The following CACNA1B variants were observed in gnomAD, a reference collection of about 807,000 sequenced individuals.
CACNA1B encodes voltage-dependent N-type calcium channel subunit alpha-1B.
Under a neutral mutation model 247.2 loss-of-function variants are expected in CACNA1B, and 70 were observed. The observed-to-expected ratio is 0.28, with a 90% CI of 0.23 to 0.35. CACNA1B has a LOEUF of 0.35. Ranked by LOEUF, CACNA1B falls within the 10% of genes least tolerant of loss-of-function variation. CACNA1B has a pLI of 1.00. For synonymous variants in CACNA1B, 1,231 were observed against 1,294.4 expected, an observed-to-expected ratio of 0.95 and a Z score of 1.05; for missense variants, 2,367 against 3,197.4, an observed-to-expected ratio of 0.74 and a Z score of 6.26.
Position 138,102,011 on chromosome 9 carries a change from G to C in CACNA1B, c.5223-700G>C, listed in dbSNP as rs1961268579. Reference sequence around the variant, plus strand: ...GGTGGCCCCAGGCCATGTCCTGCCAGCTCCTCCCCCCTCCCGCAGTCTCCC... The same window carrying C: ...GGTGGCCCCAGGCCATGTCCTGCCACCTCCTCCCCCCTCCCGCAGTCTCCC... On this transcript the variant is annotated intron_variant, in intron 37 of 46. Coordinates refer to ENST00000371372, the MANE Select transcript of CACNA1B (RefSeq NM_000718.4). The surrounding 1 kb of genome is among the most constrained non-coding windows in gnomAD (Gnocchi z 5.4). Among the ~76,000 whole-genome samples the C allele has an allele frequency of 6.6e-6, 1 of 152,182 alleles. No individual in the cohort carries two copies. The highest frequency in any genetic ancestry group is 2.4e-5 in the African/African-American group (1 of 41,448).
At chr9:137,944,162 C>A (rs1347598446) in intron 6 of CACNA1B, among the ~76,000 whole-genome samples, 2 of 152,130 alleles carry the variant, frequency 1.3e-5, no homozygotes, top group Non-Finnish European at 1.5e-5. Context: ...TCCCCTTTTC[C>A]TTCCTTCATG....
chr9:138,111,977 A>C (rs1422144158), intron 39 of CACNA1B, among the ~76,000 whole-genome samples: 1 of 151,546 alleles, frequency 6.6e-6, no homozygotes, highest in East Asian at 1.9e-4. Flanking sequence ...TTATTGGTAG[A>C]CTAAAGCGTT....
At chr9:138,045,147 A>C (rs1959171286) in intron 21 of CACNA1B, among the ~76,000 whole-genome samples, 1 of 152,254 alleles carries the variant, frequency 6.6e-6, no homozygotes, top group Non-Finnish European at 1.5e-5. Context: ...ACAGTAGCCC[A>C]GAAGTAGAAG....
rs1959436470 is a variant in CACNA1B, at chr9:138,054,865, A to G, written c.3968+859A>G. ...TGTAGTGGTCATTCACCGTGGTTTA[A>G]TTTTGCACTTGTGTGATGACCAATG... On this transcript the variant is annotated intron_variant, in intron 26 of 46. Transcript: ENST00000371372. The surrounding 1 kb of genome is among the most constrained non-coding windows in gnomAD (Gnocchi z 4.6). Among the ~76,000 whole-genome samples the G allele has an allele frequency of 6.6e-6, 1 of 151,996 alleles. No homozygotes were observed. Among genetic ancestry groups the G allele is most frequent in the Non-Finnish European group, 1.5e-5 (1 of 67,994 alleles).
chr9:137,927,027 A>T (rs554385182), intron 6 of CACNA1B, among the ~76,000 whole-genome samples: 6 of 152,314 alleles, frequency 3.9e-5, no homozygotes, highest in African/African-American at 1.4e-4. Context: ...ACAACATTTT[A>T]AAATTTTCAT....
At chr9:138,093,533 G>C (rs1216380958) in intron 36 of CACNA1B, among the ~76,000 whole-genome samples, 1 of 151,896 alleles carries the variant, frequency 6.6e-6, no homozygotes, top group Non-Finnish European at 1.5e-5. Flanking sequence ...TTGAGGCCAG[G>C]AGTTTGAGAC....
At chr9:137,987,954 C>T (rs1958386355) in intron 15 of CACNA1B, among the ~76,000 whole-genome samples, 1 of 152,230 alleles carries the variant, frequency 6.6e-6, no homozygotes. Context: ...GTCATCCCTT[C>T]TTCCTCTCTG....
chr9:138,096,715 A>C, intron 37 of CACNA1B, 104 bp downstream of exon 37: 1 of 1,230,084 alleles, frequency 8.1e-7, no homozygotes, highest in Admixed American at 2.3e-5. Flanking sequence ...GCACCCCCTC[A>C]GGTTTTGGTT....
chr9:137,882,296 A>T lies in CACNA1B; in HGVS notation c.391-448A>T, dbSNP rs1956934048. The stretch of plus-strand genomic sequence containing the variant: ...CTGTCTCCCACATGTTAGAATGGGG[A>T]TGACCTCATGGGGTATTAAAGGGCC... On this transcript the variant is annotated intron_variant, in intron 2 of 46. Coordinates refer to ENST00000371372, the MANE Select transcript of CACNA1B (RefSeq NM_000718.4). The surrounding 1 kb of genome is among the most constrained non-coding windows in gnomAD (Gnocchi z 4.0). 6.6e-6 allele frequency among the ~76,000 whole-genome samples: 1 copy of T among 152,244 alleles called. No homozygotes were observed. The highest frequency in any genetic ancestry group is 1.5e-5 in the Non-Finnish European group (1 of 68,000).
In CACNA1B at chr9:137,971,207, A is replaced by G. The variant is rs1958142764; in HGVS notation, c.1334-176A>G. 1.3e-5 allele frequency among the ~76,000 whole-genome samples: 2 copies of G among 152,124 alleles called. No homozygotes were observed. The highest frequency in any genetic ancestry group is 1.3e-4 in the Admixed American group (2 of 15,284). ...GCACCCAGTAACCATGGAGATCATCAGGGCCTTGGTTCCCTCAGCTGTGAA... is the reference window on the plus strand; with the variant it reads ...GCACCCAGTAACCATGGAGATCATCGGGGCCTTGGTTCCCTCAGCTGTGAA... On this transcript the variant is annotated intron_variant, in intron 10 of 46. Transcript: ENST00000371372. The surrounding 1 kb of genome is among the most constrained non-coding windows in gnomAD (Gnocchi z 4.4).
intron 36 of CACNA1B, among the ~76,000 whole-genome samples, chr9:138,089,054 G>A (rs11137366): frequency 7.5e-6 from 1 of 133,560 alleles, no homozygotes; most frequent in Non-Finnish European, 1.6e-5. Flanking sequence ...ATTTAAAGAA[G>A]AACTAACACC....
rs552203574 is a variant in CACNA1B at position 137,974,583 on chromosome 9, C to G, written c.1544-1324C>G. On this transcript the variant is annotated intron_variant, in intron 11 of 46. Transcript: ENST00000371372. The surrounding 1 kb of genome is among the most constrained non-coding windows in gnomAD (Gnocchi z 4.5). ...GGGCTGCTGCAGACTTGCCCCCGAC[C>G]GAGGCTGTCTGGACCTGTGCAGCAC... 6.6e-6 allele frequency among the ~76,000 whole-genome samples: 1 copy of G among 152,286 alleles called. No individual in the cohort carries two copies. The highest frequency in any genetic ancestry group is 1.9e-4 in the East Asian group (1 of 5,188).
chr9:138,058,103 G>C lies in CACNA1B; in HGVS notation c.4161G>C (p.Gly1387=). 6.2e-7 allele frequency: 1 copy of C among 1,613,878 alleles called. No individual in the cohort carries two copies. Among genetic ancestry groups the C allele is most frequent in the Non-Finnish European group, 8.5e-7 (1 of 1,179,732 alleles). ...ATYEEQGPSP[G]YRMELSIFYV... ...ATGAGGAGCAGGGTCCAAGCCCTGGGTACCGCATGGAGCTGTCCATCTTCT... is the reference window on the plus strand; with the variant it reads ...ATGAGGAGCAGGGTCCAAGCCCTGGCTACCGCATGGAGCTGTCCATCTTCT... The change falls in exon 28 of 47, where the codon GGG becomes GGC. Residue 1387 remains glycine (G), a synonymous_variant. Coordinates refer to ENST00000371372, the MANE Select transcript of CACNA1B (RefSeq NM_000718.4). This position sits in a 1 kb window ranked among gnomAD's most constrained non-coding sequence, Gnocchi z 4.7.
intron 36 of CACNA1B, among the ~76,000 whole-genome samples, chr9:138,090,835 A>G (rs1323463383): frequency 6.6e-6 from 1 of 152,078 alleles, no homozygotes; most frequent in East Asian, 1.9e-4. Flanking sequence ...ATCTCTAATC[A>G]TCAGGGAAAT....
At position 137,880,885 on chromosome 9, in the gene CACNA1B, C is replaced by T. The variant is rs538035584; in HGVS notation, c.390+1726C>T. ...GAGGCCTCCCTGGTTCCCTGCCTCT[C>T]GGGGCTGTTTCCCACCTCCCCGTCG... On this transcript the variant is annotated intron_variant, in intron 2 of 46. Transcript: ENST00000371372. The surrounding 1 kb of genome is among the most constrained non-coding windows in gnomAD (Gnocchi z 4.8). Among the ~76,000 whole-genome samples the T allele has an allele frequency of 2.6e-5, 4 of 152,272 alleles. No individual in the cohort carries two copies. The highest frequency in any genetic ancestry group is 4.1e-4 in the South Asian group (2 of 4,824).
At chr9:138,056,869 T>C (rs1409244638) in intron 26 of CACNA1B, among the ~76,000 whole-genome samples, 2 of 152,136 alleles carry the variant, frequency 1.3e-5, no homozygotes, top group African/African-American at 4.8e-5. Flanking sequence ...ATGTGCTTAA[T>C]AGCCATTTGT....
At chr9:138,112,178 A>T (rs1589134695) in intron 39 of CACNA1B, among the ~76,000 whole-genome samples, 1 of 151,958 alleles carries the variant, frequency 6.6e-6, no homozygotes, top group African/African-American at 2.4e-5. Context: ...TGCCCTGCTC[A>T]CCTGCCTCCT....
In CACNA1B at chr9:137,878,941, G is replaced by C. The variant is rs1013986935; in HGVS notation, c.285-113G>C. 1.5e-5 allele frequency: 10 copies of C among 654,610 alleles called. No individual in the cohort carries two copies. In the East Asian group the frequency reaches 2.8e-4, roughly 19 times the overall value. 40.6% of individuals were successfully genotyped at this position (654,610 alleles called of 1,614,324 possible). On this transcript the variant is annotated intron_variant, in intron 1 of 46. Transcript: ENST00000371372. ...CAGGAGAGGGGCTCCGGACCCAGTT[G>C]TCTCAGCCCCTCCGGAGACGGCCTA...
At chr9:137,927,935 T>C (rs1051599381) in intron 6 of CACNA1B, among the ~76,000 whole-genome samples, 1 of 152,214 alleles carries the variant, frequency 6.6e-6, no homozygotes, top group Non-Finnish European at 1.5e-5. Context: ...GTGAATTACA[T>C]TGATTTTTGA....
Sources: gnomAD v4.1 joint callset for allele counts (sites outside exome capture counted in the v4.1 genomes callset) on GRCh38, gnomAD v4.1.1 for gene constraint, Gnocchi (gnomAD v3.1) non-coding constraint, MANE v1.5 for transcripts, NCBI Gene and HGNC (gene_info 2026-07-23, HGNC 2026-07-21) for gene names.